Variants in SEMA3E observed in about 807,000 individuals in gnomAD.
SEMA3E encodes semaphorin-3E.
Under a neutral mutation model 93.6 loss-of-function variants are expected in SEMA3E, and 49 were observed. The ratio of observed to expected loss-of-function variants is 0.52; its 90% CI spans 0.42 to 0.66. The LOEUF (loss-of-function observed/expected upper bound fraction) is 0.66, where lower values mean the gene tolerates loss of function less well. Among genes scored for constraint, SEMA3E ranks in the 30% least tolerant of loss-of-function variants. The pLI, the probability that SEMA3E is intolerant of heterozygous loss-of-function variation, is 0.00. For synonymous variants in SEMA3E, 363 were observed against 330.7 expected (o/e 1.10, Z -1.06); for missense variants, 906 against 964.8 (o/e 0.94, Z 0.81).
rs1584192929 is a variant in SEMA3E at position 83,365,037 on chromosome 7, G to A, written c.*2549C>T. 6.6e-6 allele frequency: 1 copy of A among 152,158 alleles called. No homozygotes were observed. Among genetic ancestry groups the A allele is most frequent in the Non-Finnish European group, 1.5e-5 (1 of 68,024 alleles). The allele number at this position is 152,158 out of a possible 1,614,324, so 9.4% of individuals were successfully genotyped here. ...TCAGACAGAACAAAAGACTGGGGATGTATTTTTGTGGTATGTTTTAGATTC... is the reference window on the plus strand; with the variant it reads ...TCAGACAGAACAAAAGACTGGGGATATATTTTTGTGGTATGTTTTAGATTC... On this transcript the variant is annotated 3_prime_UTR_variant, in exon 17 of 17. Coordinates refer to ENST00000643230, the MANE Select transcript of SEMA3E (RefSeq NM_012431.3).
chr7:83,415,349 G>A (rs1248008551), intron 5 of SEMA3E, among the ~76,000 whole-genome samples: 4 of 151,986 alleles, frequency 2.6e-5, no homozygotes, highest in Non-Finnish European at 5.9e-5. Context: ...TGAGATATGA[G>A]CTGATATGCT....
At chr7:83,449,084 T>C (rs866371011) in intron 4 of SEMA3E, among the ~76,000 whole-genome samples, 1 of 141,918 alleles carries the variant, frequency 7.0e-6, no homozygotes, top group East Asian at 2.2e-4. Flanking sequence ...TTTTATTTTT[T>C]AAATTTTATT....
At chr7:83,490,424 G>T in intron 1 of SEMA3E, 150 bp from the exon 2 acceptor site, 1 of 723,104 alleles carries the variant, frequency 1.4e-6, no homozygotes, top group Non-Finnish European at 2.3e-6. Flanking sequence ...ATTTTAATGT[G>T]CACAAGTTAA....
At chr7:83,624,573 T>A (rs2115645692) in intron 1 of SEMA3E, among the ~76,000 whole-genome samples, 1 of 152,322 alleles carries the variant, frequency 6.6e-6, no homozygotes, top group Admixed American at 6.5e-5. Context: ...TGGGGTTGTT[T>A]TTTTATTTTC....
chr7:83,562,775 C>T lies in SEMA3E; in HGVS notation c.116-72501G>A, dbSNP rs528980483. ...AGTCCTAGCCTGGGCTTTTTAGTAGCGCGAAGAAGAATCATATCCAATCTA... is the reference window on the plus strand; with the variant it reads ...AGTCCTAGCCTGGGCTTTTTAGTAGTGCGAAGAAGAATCATATCCAATCTA... On this transcript the variant is annotated intron_variant, in intron 1 of 16. Transcript: ENST00000643230. Among the ~76,000 whole-genome samples the T allele has an allele frequency of 1.2e-4, 18 of 151,988 alleles. No individual in the cohort carries two copies. In the South Asian group the frequency reaches 2.5e-3, roughly 21 times the overall value.
intron 1 of SEMA3E, among the ~76,000 whole-genome samples, chr7:83,589,928 T>A (rs1792720822): frequency 1.3e-5 from 2 of 152,146 alleles, no homozygotes; most frequent in South Asian, 4.1e-4. Flanking sequence ...AATTTCTGTA[T>A]ACCCTGTCCA....
intron 11 of SEMA3E, among the ~76,000 whole-genome samples, chr7:83,399,248 T>C (rs1788187997): frequency 6.6e-6 from 1 of 152,180 alleles, no homozygotes; most frequent in African/African-American, 2.4e-5. Context: ...TTAAAACACT[T>C]CAAAGAATTT....
chr7:83,378,341 A>G (rs1787697785), intron 16 of SEMA3E, among the ~76,000 whole-genome samples: 1 of 151,970 alleles, frequency 6.6e-6, no homozygotes, highest in African/African-American at 2.4e-5. Flanking sequence ...ATTCTCTCCC[A>G]CATGTTCTTT....
At chr7:83,477,100 CAG>C (rs1562799328) in intron 2 of SEMA3E, among the ~76,000 whole-genome samples, 1 of 152,062 alleles carries the variant, frequency 6.6e-6, no homozygotes, top group Non-Finnish European at 1.5e-5. Context: ...TTATGACACT[CAG>C]AGATTTAGGA....
intron 11 of SEMA3E, among the ~76,000 whole-genome samples, chr7:83,398,767 A>T (rs925101674): frequency 6.6e-6 from 1 of 152,242 alleles, no homozygotes; most frequent in East Asian, 1.9e-4. Flanking sequence ...AAAATGGAGA[A>T]ACCCCTGTCT....
chr7:83,482,928 G>A (rs372813369), intron 2 of SEMA3E, among the ~76,000 whole-genome samples: 1 of 50,056 alleles, frequency 2.0e-5, no homozygotes, highest in Non-Finnish European at 4.6e-5. Context: ...AAAGAGAAAT[G>A]GTCTGACTAG....
chr7:83,401,710 T>C (rs563924898), intron 10 of SEMA3E, among the ~76,000 whole-genome samples: 2 of 152,250 alleles, frequency 1.3e-5, no homozygotes, highest in South Asian at 4.1e-4. Flanking sequence ...AGGTTTGTTT[T>C]CACTTTGGGT....
At chr7:83,410,941 G>A (rs754366282) in intron 5 of SEMA3E, among the ~76,000 whole-genome samples, 1 of 151,740 alleles carries the variant, frequency 6.6e-6, no homozygotes, top group Non-Finnish European at 1.5e-5. Context: ...ATGTATAATG[G>A]GAATGAAGAT....
chr7:83,636,493 A>C (rs1793884965), intron 1 of SEMA3E, among the ~76,000 whole-genome samples: 1 of 152,206 alleles, frequency 6.6e-6, no homozygotes, highest in Non-Finnish European at 1.5e-5. Context: ...AATGCAATAC[A>C]TAAAGTATAT....
intron 4 of SEMA3E, among the ~76,000 whole-genome samples, chr7:83,438,872 G>A (rs1430869022): frequency 1.3e-5 from 2 of 151,996 alleles, no homozygotes; most frequent in Non-Finnish European, 2.9e-5. Flanking sequence ...TTATTTAGAC[G>A]TTTAGACATG....
intron 2 of SEMA3E, among the ~76,000 whole-genome samples, chr7:83,475,383 G>A (rs934054305): frequency 6.6e-6 from 1 of 152,054 alleles, no homozygotes; most frequent in African/African-American, 2.4e-5. Context: ...CAAATAGCCT[G>A]AAAAGATAGA....
At chr7:83,472,194 T>C (rs1377545980) in intron 2 of SEMA3E, among the ~76,000 whole-genome samples, 2 of 152,206 alleles carry the variant, frequency 1.3e-5, no homozygotes, top group East Asian at 1.9e-4. Flanking sequence ...CCGAAATGGC[T>C]ACATGTCTAT....
At position 83,367,766 on chromosome 7, in the gene SEMA3E, C is replaced by T; in HGVS notation, c.2148G>A (p.Leu716=). 6.2e-7 allele frequency: 1 copy of T among 1,614,112 alleles called. No individual in the cohort carries two copies. Residue 716 remains leucine (L), a synonymous_variant, in exon 17 of 17, where the codon CTG becomes CTA. Transcript: ENST00000643230. ...CTCTCTGGAAGTTGCTATAACCGAT[C>T]AGCTGCAAGAATTCCTTGTACCATG... ...AKPWYKEFLQ[L]IGYSNFQRVE...
chr7:83,601,815 C>T (rs571206649), intron 1 of SEMA3E, among the ~76,000 whole-genome samples: 6 of 152,210 alleles, frequency 3.9e-5, no homozygotes, highest in Admixed American at 1.3e-4. Flanking sequence ...GGCCCAGTTA[C>T]GTTGAATATC....
Sources: allele counts gnomAD v4.1 joint callset (sites outside exome capture counted in the v4.1 genomes callset), GRCh38; gene constraint gnomAD v4.1.1; transcripts MANE v1.5; gene names NCBI Gene and HGNC (gene_info 2026-07-23, HGNC 2026-07-21).